Variants in SIPA1L1 observed in about 807,000 individuals in gnomAD.
SIPA1L1 encodes the protein signal induced proliferation associated 1 like 1.
Under a neutral mutation model 162.7 loss-of-function variants are expected in SIPA1L1, and 26 were observed. That is an observed-to-expected ratio of 0.16 (90% CI 0.12 to 0.22). SIPA1L1 has a LOEUF of 0.22. Ranked by LOEUF, SIPA1L1 falls within the 10% of genes least tolerant of loss-of-function variation. The pLI is 1.00. For missense variants in SIPA1L1, 1,874 were observed against 2,241.0 expected, an observed-to-expected ratio of 0.84 and a Z score of 3.31; for synonymous variants, 829 against 837.4, an observed-to-expected ratio of 0.99 and a Z score of 0.17.
At chr14:71,725,457 G>A (rs2084146579) in intron 19 of SIPA1L1, among the ~76,000 whole-genome samples, 1 of 152,154 alleles carries the variant, frequency 6.6e-6, no homozygotes, top group Admixed American at 6.5e-5. Context: ...TCTATTTTAT[G>A]CTCAGAATTC....
intron 4 of SIPA1L1, among the ~76,000 whole-genome samples, chr14:71,576,291 G>A (rs184724019): frequency 1.2e-4 from 19 of 152,186 alleles, no homozygotes; most frequent in Non-Finnish European, 2.1e-4. Flanking sequence ...ACCCAGTCTC[G>A]TCTAAGCTGC....
chr14:71,566,807 A>G (rs1314078150), intron 4 of SIPA1L1, among the ~76,000 whole-genome samples: 1 of 152,230 alleles, frequency 6.6e-6, no homozygotes, highest in African/African-American at 2.4e-5. Context: ...CAAAACACCC[A>G]ATTACAAATC....
intron 2 of SIPA1L1, among the ~76,000 whole-genome samples, chr14:71,458,577 A>G (rs2046351910): frequency 6.6e-6 from 1 of 152,230 alleles, no homozygotes; most frequent in Admixed American, 6.5e-5. Context: ...AGGTAGAGAT[A>G]TTATATAATA....
intron 2 of SIPA1L1, among the ~76,000 whole-genome samples, chr14:71,451,632 CAAAA>C (rs762968378): frequency 3.7e-5 from 2 of 54,384 alleles, no homozygotes; most frequent in Non-Finnish European, 7.5e-5. Flanking sequence ...GACCTTGTCT[CAAAA>C]AAAAAAAAAA....
intron 2 of SIPA1L1, among the ~76,000 whole-genome samples, chr14:71,425,153 G>C (rs544339316): frequency 6.6e-6 from 1 of 151,782 alleles, no homozygotes; most frequent in African/African-American, 2.4e-5. Context: ...CTTTTTGTGT[G>C]TGTGAGTACA....
chr14:71,675,336 C>T (rs940967170), intron 12 of SIPA1L1, among the ~76,000 whole-genome samples: 3 of 152,148 alleles, frequency 2.0e-5, no homozygotes, highest in Admixed American at 6.5e-5. Context: ...TGGAGGGAGA[C>T]ACAGGGCCCC....
intron 4 of SIPA1L1, among the ~76,000 whole-genome samples, chr14:71,555,015 AT>A (rs2056226866): frequency 6.6e-6 from 1 of 152,026 alleles, no homozygotes; most frequent in Admixed American, 6.6e-5. Flanking sequence ...AATACCTCTT[AT>A]TTTTCTTAAA....
At chr14:71,703,199 G>A (rs1256526903) in intron 15 of SIPA1L1, among the ~76,000 whole-genome samples, 1 of 152,220 alleles carries the variant, frequency 6.6e-6, no homozygotes, top group African/African-American at 2.4e-5. Context: ...CACAGTTGGT[G>A]CATCATTAAC....
chr14:71,509,518 G>A (rs1276883948), intron 2 of SIPA1L1, among the ~76,000 whole-genome samples: 2 of 152,130 alleles, frequency 1.3e-5, no homozygotes, highest in Non-Finnish European at 2.9e-5. Context: ...TGAGGCCAGT[G>A]GATTGCTTGA....
At chr14:71,732,549 C>T (rs566423366) in intron 20 of SIPA1L1, among the ~76,000 whole-genome samples, 1 of 152,128 alleles carries the variant, frequency 6.6e-6, no homozygotes, top group Non-Finnish European at 1.5e-5. Flanking sequence ...CTCACTCTGC[C>T]CAGTCCTCCC....
chr14:71,428,246 C>T (rs1340900492), intron 2 of SIPA1L1, among the ~76,000 whole-genome samples: 1 of 151,964 alleles, frequency 6.6e-6, no homozygotes, highest in Non-Finnish European at 1.5e-5. Context: ...TTCCCCCCAC[C>T]TCAGCCTCCC....
At chr14:71,498,482 C>G (rs934701707) in intron 2 of SIPA1L1, among the ~76,000 whole-genome samples, 1 of 152,098 alleles carries the variant, frequency 6.6e-6, no homozygotes, top group Non-Finnish European at 1.5e-5. Flanking sequence ...CAGTAAATTC[C>G]CCAAGAGCTC....
chr14:71,734,307 A>G (rs1275432654), intron 21 of SIPA1L1, among the ~76,000 whole-genome samples: 1 of 152,194 alleles, frequency 6.6e-6, no homozygotes, highest in Non-Finnish European at 1.5e-5. Context: ...TGCTCGCTTT[A>G]GGCTGGCGGT....
intron 2 of SIPA1L1, among the ~76,000 whole-genome samples, chr14:71,343,338 C>T (rs1424812229): frequency 4.6e-5 from 7 of 152,098 alleles, no homozygotes; most frequent in East Asian, 1.9e-4. Flanking sequence ...TCATGTCAGG[C>T]GCTGGCTGTG....
At chr14:71,611,796 T>G (rs2038251656) in intron 5 of SIPA1L1, among the ~76,000 whole-genome samples, 1 of 152,200 alleles carries the variant, frequency 6.6e-6, no homozygotes, top group South Asian at 2.1e-4. Flanking sequence ...CTTTATCCAG[T>G]CTATCAGTGA....
chr14:71,386,922 A>G (rs1230839759), intron 2 of SIPA1L1, among the ~76,000 whole-genome samples: 1 of 152,144 alleles, frequency 6.6e-6, no homozygotes, highest in Non-Finnish European at 1.5e-5. Flanking sequence ...CCCTATGAAC[A>G]GTAGCTGGCC....
Position 71,589,188 on chromosome 14 carries a change from T to A in SIPA1L1, c.1316T>A (p.Phe439Tyr), listed in dbSNP as rs1427702728. The A allele has an allele frequency of 2.2e-5, 35 of 1,613,954 alleles. No individual in the cohort carries two copies. In the Admixed American group the frequency reaches 5.8e-4, roughly 27 times the overall value. Residue 439 changes from phenylalanine to tyrosine, a missense_variant, in exon 5 of 24, where the codon TTT (phenylalanine) becomes TAT (tyrosine). Phe to Tyr is a conservative substitution (Grantham distance 22). Transcript: ENST00000381232. The part of the protein sequence containing the change: ...ISLSKSNSGS[F>Y]SGCESASFES... ...CTTTCAAAATCAAATTCTGGCTCCTTTAGTGGATGTGAAAGTGCCTCCTTT... is the reference window on the plus strand; with the variant it reads ...CTTTCAAAATCAAATTCTGGCTCCTATAGTGGATGTGAAAGTGCCTCCTTT...
At chr14:71,697,791 A>G (rs1033839808) in intron 13 of SIPA1L1, among the ~76,000 whole-genome samples, 3 of 152,218 alleles carry the variant, frequency 2.0e-5, no homozygotes, top group Non-Finnish European at 4.4e-5. Flanking sequence ...TCAGAAGATA[A>G]ATAGGTTCAC....
chr14:71,677,204 T>G (rs2045298769), intron 12 of SIPA1L1, among the ~76,000 whole-genome samples: 1 of 152,222 alleles, frequency 6.6e-6, no homozygotes. Flanking sequence ...TGGTTTTGAT[T>G]TGCATTTCTC....
Sources: gnomAD v4.1 joint callset for allele counts (sites outside exome capture counted in the v4.1 genomes callset) on GRCh38, gnomAD v4.1.1 for gene constraint, MANE v1.5 for transcripts, NCBI Gene and HGNC (gene_info 2026-07-23, HGNC 2026-07-21) for gene names.